SLC44A5: variants seen among roughly 807,000 people sequenced by gnomAD.
SLC44A5 encodes solute carrier family 44 member 5.
A neutral mutation model predicts 101.8 loss-of-function variants in SLC44A5; 57 were observed. The observed-to-expected ratio is 0.56, with a 90% CI of 0.45 to 0.70. The LOEUF (loss-of-function observed/expected upper bound fraction) is 0.70. SLC44A5 is among the 30% of genes least tolerant of loss of function. The probability of loss-of-function intolerance (pLI) is 0.00; values close to 1 mark genes in which losing one functional copy is unlikely to be tolerated. For synonymous variants in SLC44A5, 281 were observed against 290.9 expected (o/e 0.97, Z 0.35); for missense variants, 737 against 853.1 (o/e 0.86, Z 1.70).
chr1:75,292,020 A>AAAAAG (rs1196630515), intron 5 of SLC44A5, among the ~76,000 whole-genome samples: 1 of 145,836 alleles, frequency 6.9e-6, no homozygotes, highest in Non-Finnish European at 1.5e-5. Context: ...TCAAAAAAAA[A>AAAAAG]AAAAGAAAAG....
intron 2 of SLC44A5, among the ~76,000 whole-genome samples, chr1:75,480,959 G>C (rs866930354): frequency 6.6e-6 from 1 of 151,998 alleles, no homozygotes. Context: ...AATCCTAAGC[G>C]AAAAGAACAA....
rs1277503110 is a variant in SLC44A5, at chr1:75,300,660, T to TA, written c.126dup (p.Met43TyrfsTer45). The TA allele has an allele frequency of 1.9e-6, 3 of 1,604,748 alleles. No homozygotes were observed. The Admixed American group carries it at 5.1e-5, about 27-fold the overall frequency. ...CCAATAATACACAGTAGGAAGATCA[T>TA]ACAGCACAGAACATCTGTACAACTC... On this transcript the variant is annotated frameshift_variant, in exon 5 of 24. Coordinates refer to ENST00000370859, the MANE Select transcript of SLC44A5 (RefSeq NM_001130058.2). LOFTEE classifies it high-confidence loss of function.
At chr1:75,482,318 C>G (rs1239132015) in intron 2 of SLC44A5, among the ~76,000 whole-genome samples, 3 of 151,750 alleles carry the variant, frequency 2.0e-5, no homozygotes, top group Non-Finnish European at 1.5e-5. Context: ...ATACCTAATG[C>G]TAAATGACGA....
chr1:75,213,619 G>A lies in SLC44A5; in HGVS notation c.1962+86C>T, dbSNP rs999361569. On this transcript the variant is annotated intron_variant, in intron 22 of 23. Coordinates refer to ENST00000370859, the MANE Select transcript of SLC44A5 (RefSeq NM_001130058.2). Reference sequence around the variant, plus strand: ...TGGACTTCCCAGCCTTCAGAACTGTGAGGAATAAATTTCTGTTGTTTAAGT... The same window carrying A: ...TGGACTTCCCAGCCTTCAGAACTGTAAGGAATAAATTTCTGTTGTTTAAGT... 74 of 996,968 alleles carry A rather than the reference G, an allele frequency of 7.4e-5. 1 individual carries two copies. Among genetic ancestry groups the A allele is most frequent in the Non-Finnish European group, 9.8e-5 (63 of 643,984 alleles). 61.8% of individuals were successfully genotyped at this position (996,968 alleles called of 1,614,324 possible). A position where few individuals can be genotyped will look rare whatever the true frequency, so the allele number is the denominator to read the frequency against.
At chr1:75,454,239 T>G (rs1432275067) in intron 2 of SLC44A5, among the ~76,000 whole-genome samples, 1 of 152,116 alleles carries the variant, frequency 6.6e-6, no homozygotes, top group Admixed American at 6.5e-5. Context: ...ACAAGTTGGT[T>G]CAACATGCGC....
intron 2 of SLC44A5, among the ~76,000 whole-genome samples, chr1:75,440,122 C>T (rs889518662): frequency 1.3e-5 from 2 of 151,924 alleles, no homozygotes; most frequent in African/African-American, 4.8e-5. Context: ...AAAAAAATTG[C>T]CTTCATGTAA....
intron 3 of SLC44A5, 91 bp downstream of exon 3, chr1:75,396,492 C>T: frequency 1.9e-6 from 2 of 1,058,052 alleles, no homozygotes; most frequent in Non-Finnish European, 2.8e-6. Flanking sequence ...AAATATTTCG[C>T]TATTCCTAGA....
chr1:75,477,835 A>G (rs1338821686), intron 2 of SLC44A5, among the ~76,000 whole-genome samples: 4 of 152,150 alleles, frequency 2.6e-5, no homozygotes, highest in Non-Finnish European at 5.9e-5. Flanking sequence ...TCTGCAGGAT[A>G]TTATCCAGGA....
At chr1:75,241,865 G>A in intron 9 of SLC44A5, 136 bp downstream of exon 9, 1 of 620,746 alleles carries the variant, frequency 1.6e-6, no homozygotes, top group Non-Finnish European at 2.7e-6. Context: ...TGACTTTCCT[G>A]CTAATCAACT....
chr1:75,445,030 G>A (rs551988517), intron 2 of SLC44A5, among the ~76,000 whole-genome samples: 4 of 152,224 alleles, frequency 2.6e-5, no homozygotes, highest in Admixed American at 2.0e-4. Context: ...CTCTCTTGAT[G>A]TAAATTCTCT....
At chr1:75,212,162 T>C (rs771462785) in intron 22 of SLC44A5, among the ~76,000 whole-genome samples, 1 of 152,170 alleles carries the variant, frequency 6.6e-6, no homozygotes, top group Admixed American at 6.6e-5. Context: ...TTCTGAAATA[T>C]TCTTTTGAAT....
At chr1:75,716,453 A>G in the SLC44A5 span, among the ~76,000 whole-genome samples, 1 of 151,448 alleles carries the variant, frequency 6.6e-6, no homozygotes, top group Non-Finnish European at 1.5e-5. Context: ...CCCAAGTGAC[A>G]GAGTGACACT....
chr1:75,385,578 C>T (rs139518052), intron 3 of SLC44A5, among the ~76,000 whole-genome samples: 2,807 of 152,234 alleles, frequency 0.018, 38 homozygotes, highest in Non-Finnish European at 0.029. Flanking sequence ...AGCTTACCGA[C>T]CAAAAAGAAT....
chr1:75,328,524 A>T (rs1656781434), intron 4 of SLC44A5, among the ~76,000 whole-genome samples: 2 of 152,164 alleles, frequency 1.3e-5, no homozygotes, highest in African/African-American at 4.8e-5. Context: ...GACACCATGT[A>T]TGGGCTACCT....
intron 5 of SLC44A5, among the ~76,000 whole-genome samples, chr1:75,281,636 GCCC>G (rs71081324): frequency 0.57 from 28,225 of 49,804 alleles, 8,214 homozygotes; most frequent in Middle Eastern, 0.68. Flanking sequence ...CTGGTGCCAG[GCCC>G]CCCCCCCCCC....
At chr1:75,557,707 A>G (rs1672297093) in intron 1 of SLC44A5, among the ~76,000 whole-genome samples, 1 of 152,148 alleles carries the variant, frequency 6.6e-6, no homozygotes, top group African/African-American at 2.4e-5. Flanking sequence ...TTAAGCCTAT[A>G]CACATTTACA....
intron 2 of SLC44A5, among the ~76,000 whole-genome samples, chr1:75,466,432 G>A (rs985699537): frequency 1.6e-4 from 25 of 152,130 alleles, no homozygotes; most frequent in African/African-American, 4.1e-4. Context: ...CGAGGTGGGC[G>A]GATCACGAGG....
At chr1:75,289,033 G>A (rs1208861061) in intron 5 of SLC44A5, among the ~76,000 whole-genome samples, 2 of 152,140 alleles carry the variant, frequency 1.3e-5, no homozygotes, top group Admixed American at 6.5e-5. Flanking sequence ...TAATGGATAG[G>A]AGAAAAATAT....
chr1:75,692,471 A>G, the SLC44A5 span, among the ~76,000 whole-genome samples: 5 of 152,176 alleles, frequency 3.3e-5, no homozygotes, highest in Admixed American at 1.3e-4. Flanking sequence ...CTGGGATTAC[A>G]GGCATGAGCC....
Sources: allele counts gnomAD v4.1 joint callset (sites outside exome capture counted in the v4.1 genomes callset), GRCh38; gene constraint gnomAD v4.1.1; transcripts MANE v1.5; gene names NCBI Gene and HGNC (gene_info 2026-07-23, HGNC 2026-07-21).